Variants in ACVR1B observed in about 807,000 individuals in gnomAD.
The protein encoded by ACVR1B is activin receptor type-1B.
A neutral mutation model predicts 55.6 loss-of-function variants in ACVR1B; 15 were observed. That is an observed-to-expected ratio of 0.27 (90% CI 0.18 to 0.42). ACVR1B has a LOEUF of 0.42. Ranked by LOEUF, ACVR1B falls within the 10% of genes least tolerant of loss-of-function variation. The pLI is 1.00. For synonymous variants in ACVR1B, 247 were observed against 254.6 expected, an observed-to-expected ratio of 0.97 and a Z score of 0.28; for missense variants, 359 against 670.1, an observed-to-expected ratio of 0.54 and a Z score of 5.13.
intron 1 of ACVR1B, among the ~76,000 whole-genome samples, chr12:51,967,427 CG>C (rs2120527976): frequency 6.6e-6 from 1 of 151,930 alleles, no homozygotes; most frequent in East Asian, 1.9e-4. Context: ...GGTGTGGTGG[CG>C]GGCGCCTGTA....
intron 4 of ACVR1B, among the ~76,000 whole-genome samples, chr12:51,982,040 T>C (rs1326115618): frequency 6.6e-6 from 1 of 152,196 alleles, no homozygotes; most frequent in African/African-American, 2.4e-5. Context: ...GAATCTCTTA[T>C]GTGCCAGGCA....
In ACVR1B at chr12:51,995,109, G is replaced by A. The variant is rs1480587175; in HGVS notation, c.*999G>A. 8 of 153,122 alleles carry A rather than the reference G, an allele frequency of 5.2e-5. No individual in the cohort carries two copies. Among genetic ancestry groups the A allele is most frequent in the African/African-American group, 1.9e-4 (8 of 41,434 alleles). The allele number at this position is 153,122 out of a possible 1,614,324, so 9.5% of individuals were successfully genotyped here. Reference sequence around the variant, plus strand: ...AGTCTTGGGTGTTAGTGTCAGCCATGGGAAATGAGCCAGCCCAAGGGCATC... The same window carrying A: ...AGTCTTGGGTGTTAGTGTCAGCCATAGGAAATGAGCCAGCCCAAGGGCATC... On this transcript the variant is annotated 3_prime_UTR_variant, in exon 9 of 9. Coordinates refer to ENST00000257963, the MANE Select transcript of ACVR1B (RefSeq NM_004302.5).
intron 1 of ACVR1B, among the ~76,000 whole-genome samples, chr12:51,959,387 G>T (rs901455198): frequency 2.0e-5 from 3 of 152,224 alleles, no homozygotes; most frequent in Non-Finnish European, 4.4e-5. Context: ...GCAAGGAACT[G>T]CAGGCAAACT....
intron 1 of ACVR1B, among the ~76,000 whole-genome samples, chr12:51,964,849 A>C (rs1269141597): frequency 1.3e-5 from 2 of 152,068 alleles, no homozygotes; most frequent in East Asian, 3.8e-4. Context: ...ATTCTGTTTG[A>C]TAACTGTAGC....
At chr12:51,974,644 G>A (rs11169970) in intron 1 of ACVR1B, among the ~76,000 whole-genome samples, 34,946 of 152,008 alleles carry the variant, frequency 0.23, 4,740 homozygotes, top group Admixed American at 0.45. Flanking sequence ...ACTTCATGAG[G>A]GAGGCTCTCA....
intron 2 of ACVR1B, among the ~76,000 whole-genome samples, chr12:51,975,902 A>C (rs1941841075): frequency 6.6e-6 from 1 of 152,246 alleles, no homozygotes; most frequent in Non-Finnish European, 1.5e-5. Context: ...GGAAAAGGCC[A>C]GTGACCAAAG....
At chr12:51,980,793 G>C (rs1941963220) in intron 3 of ACVR1B, among the ~76,000 whole-genome samples, 176 bp from the exon 4 acceptor site, 1 of 152,214 alleles carries the variant, frequency 6.6e-6, no homozygotes, top group African/African-American at 2.4e-5. Flanking sequence ...GCCTGGCTCA[G>C]CCCTCTGGTA....
At chr12:51,982,580 C>G (rs1941999912) in intron 4 of ACVR1B, 1 of 1,286,810 alleles carries the variant, frequency 7.8e-7, no homozygotes, top group Non-Finnish European at 1.0e-6. Flanking sequence ...AAGGGTCTCT[C>G]TAGCAGTTGT....
intron 7 of ACVR1B, among the ~76,000 whole-genome samples, chr12:51,988,254 A>C (rs2120726285): frequency 6.6e-6 from 1 of 152,266 alleles, no homozygotes; most frequent in South Asian, 2.1e-4. Context: ...GCGGATCACG[A>C]GGTCAAGAGA....
intron 1 of ACVR1B, among the ~76,000 whole-genome samples, chr12:51,953,831 A>G (rs1180455964): frequency 6.6e-6 from 1 of 151,974 alleles, no homozygotes; most frequent in Non-Finnish European, 1.5e-5. Context: ...ATTTTTTTGT[A>G]ACCTTCCTAA....
chr12:51,982,731 C>G (rs1942003506), intron 4 of ACVR1B: 1 of 1,534,258 alleles, frequency 6.5e-7, no homozygotes, highest in Non-Finnish European at 8.7e-7. Context: ...GTAATGGTCT[C>G]TGCTGCCCCC....
chr12:51,962,164 GTGGAGC>G (rs1483344204), intron 1 of ACVR1B, among the ~76,000 whole-genome samples: 1 of 152,206 alleles, frequency 6.6e-6, no homozygotes, highest in Non-Finnish European at 1.5e-5. Flanking sequence ...TGGATATAGT[GTGGAGC>G]TGGCTTTCCA....
At chr12:51,958,471 C>A (rs1941453413) in intron 1 of ACVR1B, among the ~76,000 whole-genome samples, 1 of 151,952 alleles carries the variant, frequency 6.6e-6, no homozygotes, top group Admixed American at 6.6e-5. Context: ...GGTGAAACCC[C>A]ATCTCTACTG....
At chr12:51,973,733 G>T (rs190535110) in intron 1 of ACVR1B, among the ~76,000 whole-genome samples, 41 of 152,296 alleles carry the variant, frequency 2.7e-4, no homozygotes, top group Admixed American at 5.9e-4. Context: ...GCAAGAGGCT[G>T]CATGTTTTGG....
intron 7 of ACVR1B, 40 bp from the exon 8 acceptor site, chr12:51,991,823 T>C: frequency 1.3e-6 from 2 of 1,597,058 alleles, no homozygotes; most frequent in South Asian, 2.2e-5. Flanking sequence ...AATCTTTTCC[T>C]GCTGTTGATA....
chr12:51,982,631 A>T, intron 4 of ACVR1B: 1 of 1,457,346 alleles, frequency 6.9e-7, no homozygotes. Context: ...TTTAGAAGTT[A>T]GTGTCTACAA....
At chr12:51,981,235 G>C in intron 4 of ACVR1B, 36 bp downstream of exon 4, 22 of 1,574,538 alleles carry the variant, frequency 1.4e-5, no homozygotes, top group Non-Finnish European at 1.9e-5. Flanking sequence ...TTCCCAGATA[G>C]AGGATGCTAG....
In ACVR1B at chr12:51,951,738, G is replaced by A; in HGVS notation, c.-6G>A. 1.6e-6 allele frequency: 2 copies of A among 1,250,038 alleles called. No homozygotes were observed. The highest frequency in any genetic ancestry group is 1.0e-6 in the Non-Finnish European group (1 of 987,188). The allele number at this position is 1,250,038 out of a possible 1,614,324, so 77.4% of individuals were successfully genotyped here. On this transcript the variant is annotated 5_prime_UTR_variant, in exon 1 of 9. Transcript: ENST00000257963. ...TGCGGCGGCGGCGGCGGCGGCGGTG[G>A]TTACTATGGCGGAGTCGGCCGGAGC...
intron 1 of ACVR1B, among the ~76,000 whole-genome samples, chr12:51,958,949 C>G (rs1380681604): frequency 6.6e-6 from 1 of 152,178 alleles, no homozygotes; most frequent in Non-Finnish European, 1.5e-5. Flanking sequence ...CTGTCATATA[C>G]TAGGCATTGT....
Sources: gnomAD v4.1 joint callset for allele counts (sites outside exome capture counted in the v4.1 genomes callset) on GRCh38, gnomAD v4.1.1 for gene constraint, MANE v1.5 for transcripts, NCBI Gene and HGNC (gene_info 2026-07-23, HGNC 2026-07-21) for gene names.